Variants in CSMD1 observed in about 807,000 individuals in gnomAD.
CSMD1 encodes CUB and Sushi multiple domains 1.
CSMD1 carries 213 observed loss-of-function variants against 417.5 expected under a neutral mutation model. That is an observed-to-expected ratio of 0.51 (90% CI 0.46 to 0.57). CSMD1 has a LOEUF of 0.57. Among genes scored for constraint, CSMD1 ranks in the 20% least tolerant of loss-of-function variants. CSMD1 has a pLI of 0.00. For missense variants in CSMD1, 6,923 were observed against 4,529.7 expected (o/e 1.53, Z -15.17); for synonymous variants, 2,862 against 1,736.8 (o/e 1.65, Z -16.11).
At chr8:4,060,347 G>T (rs1038237913) in intron 3 of CSMD1, among the ~76,000 whole-genome samples, 1 of 152,126 alleles carries the variant, frequency 6.6e-6, no homozygotes, top group Non-Finnish European at 1.5e-5. Context: ...ATACTGAATG[G>T]GCCAAAACTG....
intron 12 of CSMD1, among the ~76,000 whole-genome samples, chr8:3,463,880 TC>T (rs1375407917): frequency 6.6e-6 from 1 of 151,942 alleles, no homozygotes; most frequent in African/African-American, 2.4e-5. Flanking sequence ...CAGCCTCACT[TC>T]CCCCATACAC....
At chr8:3,069,262 C>T (rs371724226) in intron 49 of CSMD1, among the ~76,000 whole-genome samples, 1 of 152,012 alleles carries the variant, frequency 6.6e-6, no homozygotes, top group Non-Finnish European at 1.5e-5. Context: ...GGTGAACACC[C>T]TGTCGCTACT....
chr8:4,795,580 T>G (rs529258135), intron 1 of CSMD1, among the ~76,000 whole-genome samples: 4 of 152,220 alleles, frequency 2.6e-5, no homozygotes, highest in African/African-American at 9.6e-5. Flanking sequence ...TAAGCTTTTT[T>G]TCAAATTTTC....
intron 5 of CSMD1, among the ~76,000 whole-genome samples, chr8:3,810,402 C>G (rs1057294004): frequency 2.0e-5 from 3 of 152,118 alleles, no homozygotes; most frequent in Non-Finnish European, 4.4e-5. Context: ...TCAGGGAGAG[C>G]TAAGTCCAAG....
chr8:4,681,101 C>G (rs189978690), intron 1 of CSMD1, among the ~76,000 whole-genome samples: 3 of 152,168 alleles, frequency 2.0e-5, no homozygotes, highest in East Asian at 1.9e-4. Context: ...ATTAATGTCT[C>G]TCCTGATTAA....
intron 16 of CSMD1, among the ~76,000 whole-genome samples, chr8:3,396,990 G>C (rs1811742447): frequency 1.3e-5 from 2 of 152,060 alleles, no homozygotes; most frequent in Admixed American, 6.5e-5. Context: ...AATAACTTGA[G>C]AAAGTTACAA....
intron 11 of CSMD1, among the ~76,000 whole-genome samples, chr8:3,489,445 T>G (rs920793941): frequency 2.6e-5 from 4 of 152,174 alleles, no homozygotes; most frequent in Admixed American, 1.3e-4. Context: ...CAATGGCTAA[T>G]AGCTGCAAAG....
intron 3 of CSMD1, among the ~76,000 whole-genome samples, chr8:4,093,960 T>A (rs1027517863): frequency 8.0e-6 from 1 of 124,954 alleles, no homozygotes; most frequent in African/African-American, 3.1e-5. Context: ...TGAGACTACA[T>A]CTCAAATAGA....
intron 26 of CSMD1, among the ~76,000 whole-genome samples, chr8:3,282,555 C>A (rs924211449): frequency 6.9e-6 from 1 of 144,108 alleles, no homozygotes; most frequent in South Asian, 2.2e-4. Flanking sequence ...CAACAAAAAA[C>A]AAGAGTGATA....
At chr8:3,148,904 A>G (rs964822708) in intron 40 of CSMD1, among the ~76,000 whole-genome samples, 7 of 152,330 alleles carry the variant, frequency 4.6e-5, no homozygotes, top group African/African-American at 1.7e-4. Context: ...ATAACAAATT[A>G]TTCTGAAGCT....
At chr8:4,199,568 C>T (rs749644981) in intron 3 of CSMD1, among the ~76,000 whole-genome samples, 29 of 152,234 alleles carry the variant, frequency 1.9e-4, no homozygotes, top group Admixed American at 1.4e-3. Context: ...AAGGAGCTAC[C>T]GGACAACAGA....
Position 3,469,535 on chromosome 8 carries a change from G to C in CSMD1, c.1449-711C>G, listed in dbSNP as rs138300158. Reference sequence around the variant, plus strand: ...AGGGGCTGCTGTCAGCCAGTGAAAAGAAACACTAAATCCATTGATTGAACT... The same window carrying C: ...AGGGGCTGCTGTCAGCCAGTGAAAACAAACACTAAATCCATTGATTGAACT... On this transcript the variant is annotated intron_variant, in intron 11 of 69. Coordinates refer to ENST00000635120, the MANE Select transcript of CSMD1 (RefSeq NM_033225.6). Among the ~76,000 whole-genome samples, 116 of 152,244 alleles carry C rather than the reference G, an allele frequency of 7.6e-4. 2 individuals carry two copies. In the East Asian group the frequency reaches 0.021, roughly 28 times the overall value.
chr8:4,957,348 C>T (rs1809187810), intron 1 of CSMD1, among the ~76,000 whole-genome samples: 1 of 152,266 alleles, frequency 6.6e-6, no homozygotes, highest in South Asian at 2.1e-4. Flanking sequence ...GAGAAGAGCA[C>T]ATTTGGCAGT....
At chr8:4,104,427 C>T (rs567732618) in intron 3 of CSMD1, among the ~76,000 whole-genome samples, 23 of 146,128 alleles carry the variant, frequency 1.6e-4, no homozygotes, top group Non-Finnish European at 2.9e-4. Context: ...CACACACATG[C>T]GCACACGCAT....
In CSMD1 at chr8:4,385,298, T is replaced by G. The variant is rs547648577; in HGVS notation, c.415+34655A>C. 2.0e-5 allele frequency among the ~76,000 whole-genome samples: 3 copies of G among 152,332 alleles called. No individual in the cohort carries two copies. The South Asian group carries it at 6.2e-4, about 32-fold the overall frequency. Reference sequence around the variant, plus strand: ...GCTTTCAAAATACTATCTGTTCATGTTAAACAATGATGTAGTCTGACAGGC... The same window carrying G: ...GCTTTCAAAATACTATCTGTTCATGGTAAACAATGATGTAGTCTGACAGGC... On this transcript the variant is annotated intron_variant, in intron 3 of 69. Coordinates refer to ENST00000635120, the MANE Select transcript of CSMD1 (RefSeq NM_033225.6).
At chr8:4,444,696 G>A (rs573136376) in intron 2 of CSMD1, among the ~76,000 whole-genome samples, 4 of 152,232 alleles carry the variant, frequency 2.6e-5, no homozygotes, top group South Asian at 4.2e-4. Flanking sequence ...AAAAAGCAGG[G>A]TCACTCTAAG....
intron 39 of CSMD1, among the ~76,000 whole-genome samples, chr8:3,152,942 A>AT (rs1290338599): frequency 1.3e-5 from 2 of 152,214 alleles, no homozygotes; most frequent in South Asian, 4.1e-4. Flanking sequence ...AGATGTGTAT[A>AT]TCCAACTGTC....
chr8:4,523,938 G>T (rs972663689), intron 2 of CSMD1, among the ~76,000 whole-genome samples: 1 of 152,058 alleles, frequency 6.6e-6, no homozygotes, highest in African/African-American at 2.4e-5. Flanking sequence ...TCAATGCTCT[G>T]TGAAAGTCCA....
At chr8:4,235,835 G>C (rs1406455856) in intron 3 of CSMD1, among the ~76,000 whole-genome samples, 1 of 152,110 alleles carries the variant, frequency 6.6e-6, no homozygotes, top group Non-Finnish European at 1.5e-5. Flanking sequence ...TCAGAGGAGA[G>C]GAGACATCCT....
Sources: allele counts gnomAD v4.1 joint callset (sites outside exome capture counted in the v4.1 genomes callset), GRCh38; gene constraint gnomAD v4.1.1; transcripts MANE v1.5; gene names NCBI Gene and HGNC (gene_info 2026-07-23, HGNC 2026-07-21).